The following DHRS9 variants were observed in gnomAD, a reference collection of about 807,000 sequenced individuals.
DHRS9 encodes dehydrogenase/reductase 9, also known as dehydrogenase/reductase SDR family member 9.
In DHRS9, 18 loss-of-function variants were observed where a neutral mutation model predicts 26.6. The ratio of observed to expected loss-of-function variants is 0.68; its 90% CI spans 0.47 to 1.00. DHRS9 has a LOEUF of 1.00. Ranked by LOEUF, DHRS9 falls within the 50% of genes least tolerant of loss-of-function variation. The pLI, the probability that DHRS9 is intolerant of heterozygous loss-of-function variation, is 0.00. For synonymous variants in DHRS9, 134 were observed against 141.1 expected (o/e 0.95, Z 0.36); for missense variants, 425 against 378.7 (o/e 1.12, Z -1.01).
At chr2:169,078,924 C>CGATTCTCCTGCCT (rs144547586) in intron 1 of DHRS9, among the ~76,000 whole-genome samples, 2 of 147,712 alleles carry the variant, frequency 1.4e-5, no homozygotes, top group South Asian at 2.1e-4. Flanking sequence ...TCTGGGTTCA[C>CGATTCTCCTGCCT]GATTCTCCTG....
rs1401459622 is a variant in DHRS9 at position 169,069,581 on chromosome 2, A to C, written c.-196A>C. On this transcript the variant is annotated 5_prime_UTR_variant, in exon 1 of 5. Transcript: ENST00000674881. ...ATGTAGTACTCAGAGCTCTACGGAA[A>C]CCCAGGCACCTCGACCTCAAGAGGA... 1.8e-5 allele frequency: 18 copies of C among 985,262 alleles called. No homozygotes were observed. Among genetic ancestry groups the C allele is most frequent in the Non-Finnish European group, 1.9e-5 (16 of 829,936 alleles). 61.0% of individuals were successfully genotyped at this position (985,262 alleles called of 1,614,324 possible). A position where few individuals can be genotyped will look rare whatever the true frequency, so the allele number is the denominator to read the frequency against.
At chr2:169,083,287 G>A (rs887486395) in intron 2 of DHRS9, 42 bp from the exon 3 acceptor site, 11 of 1,596,310 alleles carry the variant, frequency 6.9e-6, no homozygotes, top group Non-Finnish European at 9.4e-6. Flanking sequence ...TGGCAAATAA[G>A]TACTGTCTTA....
At chr2:169,074,775 A>G (rs1306399927) in intron 1 of DHRS9, among the ~76,000 whole-genome samples, 1 of 152,252 alleles carries the variant, frequency 6.6e-6, no homozygotes, top group Non-Finnish European at 1.5e-5. Flanking sequence ...ATTTCTGGGC[A>G]ATAATACTTG....
chr2:169,077,585 C>T (rs562312051), intron 1 of DHRS9, among the ~76,000 whole-genome samples: 7 of 151,672 alleles, frequency 4.6e-5, no homozygotes, highest in Non-Finnish European at 1.0e-4. Flanking sequence ...GAAGATTGTG[C>T]TAAACTTCAA....
At chr2:169,074,218 T>C (rs1200840643) in intron 1 of DHRS9, 4 of 953,250 alleles carry the variant, frequency 4.2e-6, no homozygotes, top group Non-Finnish European at 5.0e-6. Flanking sequence ...CTTCACCCAG[T>C]ACTCTCCAAG....
chr2:169,089,708 G>T (rs905622458), intron 3 of DHRS9, among the ~76,000 whole-genome samples: 1 of 152,184 alleles, frequency 6.6e-6, no homozygotes, highest in Non-Finnish European at 1.5e-5. Flanking sequence ...TGCCAAGTTT[G>T]ATTCTCCTAG....
intron 3 of DHRS9, among the ~76,000 whole-genome samples, chr2:169,084,521 A>C (rs113079950): frequency 0.024 from 3,714 of 152,132 alleles, 125 homozygotes; most frequent in East Asian, 0.13. Context: ...GTCTTTTGTA[A>C]ATATGCCATT....
At chr2:169,083,800 T>C (rs1444104206) in intron 3 of DHRS9, among the ~76,000 whole-genome samples, 1 of 152,156 alleles carries the variant, frequency 6.6e-6, no homozygotes, top group Non-Finnish European at 1.5e-5. Context: ...GTAAGTGGAG[T>C]ATCCATCACC....
chr2:169,091,180 T>C (rs1379383898), intron 3 of DHRS9, among the ~76,000 whole-genome samples: 1 of 151,796 alleles, frequency 6.6e-6, no homozygotes, highest in Non-Finnish European at 1.5e-5. Flanking sequence ...AAAACCTTGA[T>C]GCCTAGGGAA....
At chr2:169,087,121 G>A (rs1451666454) in intron 3 of DHRS9, among the ~76,000 whole-genome samples, 2 of 152,164 alleles carry the variant, frequency 1.3e-5, no homozygotes, top group African/African-American at 4.8e-5. Context: ...GGAAGCCAGG[G>A]GCTGGAGTCA....
chr2:169,081,857 G>A lies in DHRS9; in HGVS notation c.276G>A (p.Arg92=). 1 of 1,612,670 alleles carries A rather than the reference G, an allele frequency of 6.2e-7. No homozygotes were observed. Among genetic ancestry groups the A allele is most frequent in the South Asian group, 1.1e-5 (1 of 90,870 alleles). ...LDVTDPENVK[R]TAQWVKNQVG... Reference sequence around the variant, plus strand: ...TGACCGACCCAGAGAATGTCAAGAGGACTGCCCAGTGGGTGAAGAACCAAG... The same window carrying A: ...TGACCGACCCAGAGAATGTCAAGAGAACTGCCCAGTGGGTGAAGAACCAAG... The change falls in exon 2 of 5, where the codon AGG becomes AGA. Residue 92 remains arginine (R), a synonymous_variant. Transcript: ENST00000674881.
At chr2:169,093,340 A>ACACACACACACACG (rs1684592575) in intron 4 of DHRS9, among the ~76,000 whole-genome samples, 1 of 151,230 alleles carries the variant, frequency 6.6e-6, no homozygotes, top group African/African-American at 2.5e-5. Context: ...AAACACACAC[A>ACACACACACACACG]CACGCACACA....
At chr2:169,093,872 T>C (rs1417513454) in intron 4 of DHRS9, among the ~76,000 whole-genome samples, 1 of 152,198 alleles carries the variant, frequency 6.6e-6, no homozygotes, top group Non-Finnish European at 1.5e-5. Flanking sequence ...TTTGAACAAC[T>C]TGTGGCCAGT....
In DHRS9 at chr2:169,096,038, T is replaced by G; in HGVS notation, c.*271T>G. The G allele has an allele frequency of 2.2e-6, 1 of 460,950 alleles. No homozygotes were observed. The highest frequency in any genetic ancestry group is 3.9e-6 in the Non-Finnish European group (1 of 254,376). 28.6% of individuals were successfully genotyped at this position (460,950 alleles called of 1,614,324 possible). ...CTGCTTGGTGTGATGTAAGGGAAAT[T>G]GAAAGACTTGCCCATTCAAAATGAT... On this transcript the variant is annotated 3_prime_UTR_variant, in exon 5 of 5. Transcript: ENST00000674881.
chr2:169,092,598 G>T (rs16856436), intron 4 of DHRS9, among the ~76,000 whole-genome samples: 37,269 of 152,136 alleles, frequency 0.24, 4,973 homozygotes, highest in African/African-American at 0.36. Context: ...AAAAGAGCAT[G>T]GCTGGTTAAG....
At chr2:169,093,494 T>G (rs1439633056) in intron 4 of DHRS9, among the ~76,000 whole-genome samples, 1 of 152,198 alleles carries the variant, frequency 6.6e-6, no homozygotes, top group African/African-American at 2.4e-5. Flanking sequence ...TTCCTGACTC[T>G]GAAGGTTCTA....
chr2:169,076,287 C>A (rs2105282890), intron 1 of DHRS9, among the ~76,000 whole-genome samples: 1 of 152,326 alleles, frequency 6.6e-6, no homozygotes, highest in East Asian at 1.9e-4. Flanking sequence ...TTCCAGCTGA[C>A]ATCTATGTAC....
At chr2:169,086,299 C>T (rs1417665571) in intron 3 of DHRS9, among the ~76,000 whole-genome samples, 1 of 152,064 alleles carries the variant, frequency 6.6e-6, no homozygotes, top group Non-Finnish European at 1.5e-5. Flanking sequence ...ATGTGAATTG[C>T]ATTTTTCAAA....
chr2:169,089,323 C>A (rs150533859), intron 3 of DHRS9, among the ~76,000 whole-genome samples: 2 of 152,142 alleles, frequency 1.3e-5, no homozygotes, highest in Non-Finnish European at 2.9e-5. Flanking sequence ...AGGATAACTA[C>A]TCTGACCCCC....
Sources: allele counts gnomAD v4.1 joint callset (sites outside exome capture counted in the v4.1 genomes callset), GRCh38; gene constraint gnomAD v4.1.1; transcripts MANE v1.5; gene names NCBI Gene and HGNC (gene_info 2026-07-23, HGNC 2026-07-21).